ARHGEF10: variants seen among roughly 807,000 people sequenced by gnomAD.
ARHGEF10 encodes Rho guanine nucleotide exchange factor 10, also known as Rho guanine nucleotide exchange factor (GEF) 10.
In ARHGEF10, 140 loss-of-function variants were observed where a neutral mutation model predicts 147.4. That is an observed-to-expected ratio of 0.95 (90% CI 0.83 to 1.09). The LOEUF (loss-of-function observed/expected upper bound fraction) is 1.09. Ranked by LOEUF, ARHGEF10 falls within the 50% of genes least tolerant of loss-of-function variation. ARHGEF10 has a pLI of 0.00. For missense variants in ARHGEF10, 2,222 were observed against 1,752.7 expected (o/e 1.27, Z -4.78); for synonymous variants, 902 against 695.8 (o/e 1.30, Z -4.67).
chr8:1,847,071 C>G (rs369736685), intron 2 of ARHGEF10, among the ~76,000 whole-genome samples: 28 of 152,260 alleles, frequency 1.8e-4, no homozygotes, highest in African/African-American at 6.5e-4. Flanking sequence ...TTACCAGGTC[C>G]CTGTGCCTTC....
chr8:1,859,514 T>C (rs7007745), intron 3 of ARHGEF10, among the ~76,000 whole-genome samples: 120,429 of 150,662 alleles, frequency 0.8, 48,168 homozygotes, highest in East Asian at 0.93. Context: ...GGCCATAGCA[T>C]CAGCCTCTCG....
rs539212661 is a variant in ARHGEF10, at chr8:1,937,427, T to C, written c.3222+3485T>C. ...GATCAGCCGCCTACCTGGGTCTCAATTGTCTGAGCTGACAGCTGGGGGTAA... is the reference window on the plus strand; with the variant it reads ...GATCAGCCGCCTACCTGGGTCTCAACTGTCTGAGCTGACAGCTGGGGGTAA... On this transcript the variant is annotated intron_variant, in intron 26 of 28. Transcript: ENST00000349830. This position sits in a 1 kb window ranked among gnomAD's most constrained non-coding sequence, Gnocchi z 4.9. Among the ~76,000 whole-genome samples the C allele has an allele frequency of 6.6e-6, 1 of 152,330 alleles. No individual in the cohort carries two copies. Among genetic ancestry groups the C allele is most frequent in the African/African-American group, 2.4e-5 (1 of 41,580 alleles).
At chr8:1,864,258 A>G in intron 4 of ARHGEF10, 115 bp from the exon 5 acceptor site, 1 of 1,042,704 alleles carries the variant, frequency 9.6e-7, no homozygotes, top group South Asian at 1.3e-5. Flanking sequence ...CCTTATGCTA[A>G]GATAAGCCTC....
chr8:1,890,516 G>GTGAGAGTTGTGA (rs1809427530), intron 11 of ARHGEF10, among the ~76,000 whole-genome samples: 2 of 148,878 alleles, frequency 1.3e-5, no homozygotes, highest in East Asian at 4.0e-4. Context: ...TCTGAGTGGG[G>GTGAGAGTTGTGA]CGAGACGGGT....
intron 2 of ARHGEF10, among the ~76,000 whole-genome samples, chr8:1,850,551 C>T (rs566115783): frequency 1.0e-3 from 154 of 150,864 alleles, no homozygotes; most frequent in African/African-American, 3.1e-3. Flanking sequence ...GGGGCAGCTG[C>T]GTGGACACAG....
intron 18 of ARHGEF10, among the ~76,000 whole-genome samples, chr8:1,914,354 G>C (rs1471625203): frequency 6.6e-6 from 1 of 152,250 alleles, no homozygotes; most frequent in Non-Finnish European, 1.5e-5. Flanking sequence ...ACAGCCCTGA[G>C]GGTTCTGGAC....
chr8:1,911,486 T>C (rs919244122), intron 18 of ARHGEF10, among the ~76,000 whole-genome samples: 1 of 152,220 alleles, frequency 6.6e-6, no homozygotes, highest in Non-Finnish European at 1.5e-5. Flanking sequence ...GCTAATTCTG[T>C]ATGTGTCTGA....
At chr8:1,899,850 C>T (rs1037599971) in intron 15 of ARHGEF10, among the ~76,000 whole-genome samples, 11 of 152,204 alleles carry the variant, frequency 7.2e-5, no homozygotes, top group African/African-American at 1.4e-4. Context: ...GGGAGTCTGG[C>T]GCTTGGGAGG....
chr8:1,945,466 C>G lies in ARHGEF10; in HGVS notation c.3223-15C>G. On this transcript the variant is annotated splice_polypyrimidine_tract_variant and intron_variant, in intron 26 of 28. Coordinates refer to ENST00000349830, the MANE Select transcript of ARHGEF10 (RefSeq NM_014629.4). Reference sequence around the variant, plus strand: ...ACTCCACGGGGCTAGCAGACTTGACCTCTCGATTTCACAGGGTCAGCTGGA... The same window carrying G: ...ACTCCACGGGGCTAGCAGACTTGACGTCTCGATTTCACAGGGTCAGCTGGA... 1.3e-6 allele frequency: 2 copies of G among 1,576,788 alleles called. No homozygotes were observed. Among genetic ancestry groups the G allele is most frequent in the Non-Finnish European group, 1.7e-6 (2 of 1,161,284 alleles).
Position 1,925,405 on chromosome 8 carries a change from G to A in ARHGEF10, c.2610+1G>A, listed in dbSNP as rs1389347422. ...GGTGGCCAAGCAGCAGGAGTTCAAG[G>A]TGAAGGGAGGCAGGGCCCGCGGCCC... On this transcript the variant is annotated splice_donor_variant, in intron 22 of 28. Coordinates refer to ENST00000349830, the MANE Select transcript of ARHGEF10 (RefSeq NM_014629.4). LOFTEE classifies it high-confidence loss of function. The A allele has an allele frequency of 6.2e-7, 1 of 1,614,030 alleles. No homozygotes were observed. Among genetic ancestry groups the A allele is most frequent in the Non-Finnish European group, 8.5e-7 (1 of 1,180,012 alleles).
intron 1 of ARHGEF10, among the ~76,000 whole-genome samples, chr8:1,835,204 G>A (rs1331882416): frequency 6.6e-6 from 1 of 152,160 alleles, no homozygotes; most frequent in African/African-American, 2.4e-5. Flanking sequence ...ATAGGAAACC[G>A]ACCAGGGGGC....
chr8:1,951,154 T>G (rs1328902647), intron 27 of ARHGEF10, among the ~76,000 whole-genome samples: 1 of 152,228 alleles, frequency 6.6e-6, no homozygotes, highest in Non-Finnish European at 1.5e-5. Context: ...CTTAAAATAC[T>G]TACTGTTGAG....
At position 1,880,115 on chromosome 8, in the gene ARHGEF10, C is replaced by T. The variant is rs752299513; in HGVS notation, c.911C>T (p.Thr304Met). The T allele has an allele frequency of 2.7e-5, 44 of 1,614,002 alleles. No homozygotes were observed. Among genetic ancestry groups the T allele is most frequent in the Non-Finnish European group, 3.5e-5 (41 of 1,180,014 alleles). The part of the protein sequence containing the change: ...EKKMRDLMAS[T>M]VGVVEIQQLR... ...AAGATGAGAGATTTGATGGCAAGCA[C>T]GGTGGGCGTGGTGGAGATTCAGCAG... The change falls in exon 9 of 29, where the codon ACG becomes ATG. Residue 304 changes from threonine (T) to methionine (M), a missense_variant. By Grantham distance (81) the Thr-to-Met change is moderately conservative. Coordinates refer to ENST00000349830, the MANE Select transcript of ARHGEF10 (RefSeq NM_014629.4).
At chr8:1,840,128 T>C (rs1248483574) in intron 1 of ARHGEF10, among the ~76,000 whole-genome samples, 1 of 50,452 alleles carries the variant, frequency 2.0e-5, no homozygotes, top group African/African-American at 8.9e-5. Context: ...GGGACTGTCC[T>C]GTGTGGAAGC....
chr8:1,879,391 T>C (rs1371496517), intron 8 of ARHGEF10, among the ~76,000 whole-genome samples: 1 of 152,186 alleles, frequency 6.6e-6, no homozygotes, highest in Admixed American at 6.5e-5. Context: ...TTATGTATTT[T>C]TATTTATTGG....
intron 17 of ARHGEF10, among the ~76,000 whole-genome samples, chr8:1,907,599 G>A (rs1225619404): frequency 2.0e-5 from 3 of 152,170 alleles, no homozygotes; most frequent in South Asian, 2.1e-4. Context: ...TTTTAAGTAC[G>A]TTTAAAATTC....
intron 11 of ARHGEF10, among the ~76,000 whole-genome samples, chr8:1,892,626 C>T (rs941429231): frequency 1.3e-5 from 2 of 149,592 alleles, no homozygotes; most frequent in Non-Finnish European, 3.0e-5. Flanking sequence ...CACTGGAGTA[C>T]CCGTGTGTGT....
Position 1,833,577 on chromosome 8 carries a change from G to A in ARHGEF10, c.-48+9464G>A, listed in dbSNP as rs184097120. On this transcript the variant is annotated intron_variant, in intron 1 of 28. Transcript: ENST00000349830. ...GGCTCTTCTTTGGCGCCCTGTTACCGCCTCCAAGCCCCCACCCCCAGGATG... is the reference window on the plus strand; with the variant it reads ...GGCTCTTCTTTGGCGCCCTGTTACCACCTCCAAGCCCCCACCCCCAGGATG... Among the ~76,000 whole-genome samples, 338 of 152,244 alleles carry A rather than the reference G, an allele frequency of 2.2e-3. 1 individual carries two copies. The highest frequency in any genetic ancestry group is 2.9e-3 in the Non-Finnish European group (200 of 68,000).
At chr8:1,845,655 C>T (rs1480457732) in intron 2 of ARHGEF10, among the ~76,000 whole-genome samples, 2 of 152,178 alleles carry the variant, frequency 1.3e-5, no homozygotes, top group African/African-American at 4.8e-5. Flanking sequence ...AATTTATCTC[C>T]AGCATTTGCT....
Sources: gnomAD v4.1 joint callset for allele counts (sites outside exome capture counted in the v4.1 genomes callset) on GRCh38, gnomAD v4.1.1 for gene constraint, Gnocchi (gnomAD v3.1) non-coding constraint, MANE v1.5 for transcripts, NCBI Gene and HGNC (gene_info 2026-07-23, HGNC 2026-07-21) for gene names.